Variants in THSD7A observed in about 807,000 individuals in gnomAD.
THSD7A encodes thrombospondin type-1 domain-containing protein 7A.
A neutral mutation model predicts 231.3 loss-of-function variants in THSD7A; 96 were observed. The ratio of observed to expected loss-of-function variants is 0.41; its 90% confidence interval spans 0.35 to 0.49. The LOEUF is 0.49. Ranked by LOEUF, THSD7A falls within the 20% of genes least tolerant of loss-of-function variation. THSD7A has a pLI of 0.05. For missense variants in THSD7A, 2,290 were observed against 2,070.2 expected (o/e 1.11, Z -2.06); for synonymous variants, 940 against 743.3 (o/e 1.26, Z -4.30).
At chr7:11,819,248 G>T (rs1247899342) in intron 1 of THSD7A, among the ~76,000 whole-genome samples, 2 of 152,202 alleles carry the variant, frequency 1.3e-5, no homozygotes, top group Non-Finnish European at 2.9e-5. Flanking sequence ...AAATGGAACA[G>T]CCACTTTGGA....
intron 1 of THSD7A, among the ~76,000 whole-genome samples, chr7:11,731,731 T>A (rs560740386): frequency 1.2e-3 from 176 of 151,764 alleles, no homozygotes; most frequent in African/African-American, 3.9e-3. Context: ...ATGGAGGAAA[T>A]CAAGGTATAG....
chr7:11,711,359 G>C (rs1200533558), intron 1 of THSD7A, among the ~76,000 whole-genome samples: 1 of 150,914 alleles, frequency 6.6e-6, no homozygotes, highest in Non-Finnish European at 1.5e-5. Flanking sequence ...ATTATTTGTT[G>C]TGTCAATGCC....
chr7:11,809,226 A>G (rs1784469030), intron 1 of THSD7A, among the ~76,000 whole-genome samples: 1 of 152,146 alleles, frequency 6.6e-6, no homozygotes, highest in South Asian at 2.1e-4. Context: ...ATTACCAGTA[A>G]TTTGGTGGAG....
chr7:11,779,003 T>C (rs564309029), intron 1 of THSD7A, among the ~76,000 whole-genome samples: 40 of 152,252 alleles, frequency 2.6e-4, no homozygotes, highest in Admixed American at 2.0e-3. Context: ...ACATAATTGG[T>C]ATCATTAACT....
chr7:11,820,930 G>A, intron 1 of THSD7A: 2 of 967,730 alleles, frequency 2.1e-6, no homozygotes, highest in Admixed American at 2.0e-5. Flanking sequence ...CCTCGCTGAA[G>A]ATCTCTCTCC....
chr7:11,398,607 T>G (rs564001768), intron 23 of THSD7A, among the ~76,000 whole-genome samples: 3 of 152,150 alleles, frequency 2.0e-5, no homozygotes, highest in Non-Finnish European at 4.4e-5. Flanking sequence ...AAAAAAAGAT[T>G]TCACGTAAGT....
intron 1 of THSD7A, among the ~76,000 whole-genome samples, chr7:11,771,093 T>C (rs962803733): frequency 6.6e-6 from 1 of 151,076 alleles, no homozygotes; most frequent in East Asian, 2.0e-4. Flanking sequence ...TAGAAAAATA[T>C]ATATAGAAAC....
chr7:11,386,760 G>GTGTT (rs1327300953), intron 23 of THSD7A, among the ~76,000 whole-genome samples: 1 of 152,142 alleles, frequency 6.6e-6, no homozygotes, highest in Non-Finnish European at 1.5e-5. Context: ...ATTGCTTTTG[G>GTGTT]TGTTTTAGTC....
intron 1 of THSD7A, among the ~76,000 whole-genome samples, chr7:11,777,867 T>C (rs777114461): frequency 6.6e-6 from 1 of 151,756 alleles, no homozygotes; most frequent in Non-Finnish European, 1.5e-5. Context: ...AAGAAAGCCC[T>C]GGCCGGGAGC....
Position 11,726,104 on chromosome 7 carries a change from G to A in THSD7A, c.191-89143C>T, listed in dbSNP as rs544479581. Among the ~76,000 whole-genome samples the A allele has an allele frequency of 9.0e-4, 137 of 151,980 alleles. 2 individuals carry two copies. Among genetic ancestry groups the A allele is most frequent in the African/African-American group, 3.0e-3 (126 of 41,512 alleles). On this transcript the variant is annotated intron_variant, in intron 1 of 27. Transcript: ENST00000423059. ...TAGAGAAACAAGATGATGTAAAATA[G>A]TTTCCATAAAAGCTAAATTTAAAAG...
chr7:11,666,434 T>TC lies in THSD7A; in HGVS notation c.191-29474_191-29473insG, dbSNP rs10674905. 2.6e-5 allele frequency among the ~76,000 whole-genome samples: 4 copies of TC among 151,620 alleles called. No individual in the cohort carries two copies. The East Asian group carries it at 7.8e-4, about 30-fold the overall frequency. On this transcript the variant is annotated intron_variant, in intron 1 of 27. Coordinates refer to ENST00000423059, the MANE Select transcript of THSD7A (RefSeq NM_015204.3). ...GTGGAATTTTCCACTTGTGGCATTA[T>TC]AGCACTCAAAATGTTTTGGATTTTG...
At chr7:11,680,557 T>C (rs1003559322) in intron 1 of THSD7A, among the ~76,000 whole-genome samples, 1 of 152,100 alleles carries the variant, frequency 6.6e-6, no homozygotes. Context: ...AACAGACACT[T>C]CTCAAAAGAA....
At chr7:11,715,308 A>G (rs998222168) in intron 1 of THSD7A, among the ~76,000 whole-genome samples, 102 of 151,472 alleles carry the variant, frequency 6.7e-4, no homozygotes, top group African/African-American at 2.4e-3. Flanking sequence ...AAGTTTATAC[A>G]TGGAAGACTA....
chr7:11,762,034 T>C (rs1239710582), intron 1 of THSD7A, among the ~76,000 whole-genome samples: 1 of 152,198 alleles, frequency 6.6e-6, no homozygotes. Context: ...TAATTCACTT[T>C]GGATGATGGC....
chr7:11,696,235 T>C (rs1459287018), intron 1 of THSD7A, among the ~76,000 whole-genome samples: 1 of 151,364 alleles, frequency 6.6e-6, no homozygotes, highest in African/African-American at 2.4e-5. Context: ...GGCAACATGG[T>C]TGGAAATTAA....
chr7:11,777,590 A>T (rs952081142), intron 1 of THSD7A, among the ~76,000 whole-genome samples: 1 of 152,066 alleles, frequency 6.6e-6, no homozygotes, highest in Non-Finnish European at 1.5e-5. Flanking sequence ...GGGAAAGGAG[A>T]TTATTCCTAC....
At chr7:11,676,133 G>C (rs1184131889) in intron 1 of THSD7A, among the ~76,000 whole-genome samples, 1 of 152,188 alleles carries the variant, frequency 6.6e-6, no homozygotes, top group Non-Finnish European at 1.5e-5. Flanking sequence ...AGGGTCTGGA[G>C]TGGACCTCCA....
Position 11,474,651 on chromosome 7 carries a change from CT to C in THSD7A, c.2018-84del. On this transcript the variant is annotated intron_variant, in intron 7 of 27. Coordinates refer to ENST00000423059, the MANE Select transcript of THSD7A (RefSeq NM_015204.3). This position sits in a 1 kb window ranked among gnomAD's most constrained non-coding sequence, Gnocchi z 4.1. ...ACTCTGTTCTTTGGAATTAACATGGCTTAGAAATAAAAAGTGACTTTTCTTC... is the reference window on the plus strand; with the variant it reads ...ACTCTGTTCTTTGGAATTAACATGGCTAGAAATAAAAAGTGACTTTTCTTC... The C allele has an allele frequency of 8.8e-7, 1 of 1,135,404 alleles. No individual in the cohort carries two copies. The highest frequency in any genetic ancestry group is 1.2e-6 in the Non-Finnish European group (1 of 811,246). 70.3% of individuals were successfully genotyped at this position (1,135,404 alleles called of 1,614,324 possible).
At chr7:11,387,256 A>G (rs867600296) in intron 23 of THSD7A, among the ~76,000 whole-genome samples, 2 of 152,048 alleles carry the variant, frequency 1.3e-5, no homozygotes, top group Non-Finnish European at 2.9e-5. Flanking sequence ...AAGAAAGTCA[A>G]TGGTAACTTG....
Sources: allele counts gnomAD v4.1 joint callset (sites outside exome capture counted in the v4.1 genomes callset), GRCh38; gene constraint gnomAD v4.1.1; non-coding constraint Gnocchi (gnomAD v3.1); transcripts MANE v1.5; gene names NCBI Gene and HGNC (gene_info 2026-07-23, HGNC 2026-07-21).